Variants in PPHLN1 observed in about 807,000 individuals in gnomAD.
PPHLN1 encodes periphilin-1.
A neutral mutation model predicts 51.3 loss-of-function variants in PPHLN1; 29 were observed. The observed-to-expected ratio is 0.57, with a 90% confidence interval of 0.42 to 0.77. The LOEUF (loss-of-function observed/expected upper bound fraction) is 0.77. PPHLN1 is among the 30% of genes least tolerant of loss of function. The pLI, the probability that PPHLN1 is intolerant of heterozygous loss-of-function variation, is 0.00. For missense variants in PPHLN1, 436 were observed against 438.4 expected, an observed-to-expected ratio of 0.99 and a Z score of 0.05; for synonymous variants, 147 against 147.8, an observed-to-expected ratio of 0.99 and a Z score of 0.04.
At chr12:42,352,111 T>A (rs2073439424) in intron 3 of PPHLN1, 62 bp downstream of exon 3, 1 of 1,332,938 alleles carries the variant, frequency 7.5e-7, no homozygotes, top group Admixed American at 3.0e-5. Context: ...TAATGTAATT[T>A]AAAAATTTAT....
chr12:42,444,197 G>A (rs554428781), downstream of PPHLN1: 1 of 151,888 alleles, frequency 6.6e-6, no homozygotes, highest in Non-Finnish European at 1.5e-5. Context: ...TAACTTCCTG[G>A]TCAATAAGAC....
chr12:42,403,510 TATAAG>T (rs1404454010), intron 9 of PPHLN1, among the ~76,000 whole-genome samples: 1 of 152,236 alleles, frequency 6.6e-6, no homozygotes, highest in Non-Finnish European at 1.5e-5. Flanking sequence ...AAGCTATCTC[TATAAG>T]ATAATTTGTA....
At chr12:42,362,580 G>A (rs533800364) in intron 4 of PPHLN1, among the ~76,000 whole-genome samples, 2 of 152,232 alleles carry the variant, frequency 1.3e-5, no homozygotes, top group South Asian at 2.1e-4. Flanking sequence ...CAAGGAGCAC[G>A]GGCCTTCTAT....
intron 5 of PPHLN1, 151 bp from the exon 6 acceptor site, chr12:42,384,789 C>A (rs2077053260): frequency 1.1e-5 from 7 of 624,324 alleles, no homozygotes; most frequent in Non-Finnish European, 1.6e-5. Flanking sequence ...CTCAGGCAGC[C>A]CAACTTGAAA....
intron 1 of PPHLN1, among the ~76,000 whole-genome samples, chr12:42,328,164 G>A (rs1040281967): frequency 6.6e-6 from 1 of 152,144 alleles, no homozygotes; most frequent in African/African-American, 2.4e-5. Flanking sequence ...TTGATGGACC[G>A]TTGGATGTTG....
chr12:42,413,342 A>G (rs1178910502), intron 9 of PPHLN1, among the ~76,000 whole-genome samples: 1 of 152,150 alleles, frequency 6.6e-6, no homozygotes, highest in East Asian at 1.9e-4. Flanking sequence ...GTGGCTATCC[A>G]GTTTTTCCAG....
intron 7 of PPHLN1, among the ~76,000 whole-genome samples, chr12:42,390,129 A>G (rs1282480666): frequency 6.6e-6 from 1 of 152,016 alleles, no homozygotes; most frequent in African/African-American, 2.4e-5. Flanking sequence ...TTGGCTTTTT[A>G]GGAAGAGTAG....
At chr12:42,445,814 G>C, downstream of PPHLN1, 1 of 793,756 alleles carries the variant, frequency 1.3e-6, no homozygotes, top group Non-Finnish European at 1.9e-6. Flanking sequence ...CTGAAATTTA[G>C]ATGATAAATT....
intron 5 of PPHLN1, among the ~76,000 whole-genome samples, chr12:42,383,285 A>G (rs775907043): frequency 1.3e-4 from 20 of 152,080 alleles, no homozygotes; most frequent in Non-Finnish European, 2.1e-4. Context: ...TAGTTCAGCT[A>G]CCAACATGGA....
intron 1 of PPHLN1, among the ~76,000 whole-genome samples, chr12:42,327,682 G>A (rs1305150150): frequency 6.6e-6 from 1 of 152,076 alleles, no homozygotes; most frequent in African/African-American, 2.4e-5. Flanking sequence ...TTGCTTCTTT[G>A]CCATCCCTAC....
downstream of PPHLN1, chr12:42,444,126 G>A (rs1379268685): frequency 1.3e-5 from 2 of 151,964 alleles, no homozygotes; most frequent in Non-Finnish European, 2.9e-5. Flanking sequence ...ACAGTTAAGA[G>A]GTTTAATCAT....
chr12:42,444,367 C>G (rs2083179209), downstream of PPHLN1: 1 of 149,892 alleles, frequency 6.7e-6, no homozygotes, highest in African/African-American at 2.5e-5. Flanking sequence ...CTAGACTCTC[C>G]TAGGTATTTA....
At chr12:42,344,017 T>C (rs1310180015) in intron 2 of PPHLN1, 1 of 311,090 alleles carries the variant, frequency 3.2e-6, no homozygotes, top group African/African-American at 2.3e-5. Flanking sequence ...GCCTGTGTAA[T>C]AGAATATTTT....
intron 5 of PPHLN1, among the ~76,000 whole-genome samples, chr12:42,378,735 C>T (rs1393188509): frequency 6.6e-6 from 1 of 152,112 alleles, no homozygotes; most frequent in Non-Finnish European, 1.5e-5. Flanking sequence ...CACATACATA[C>T]ACACACATTT....
At chr12:42,347,346 T>G (rs1426125282) in intron 2 of PPHLN1, 1 of 152,254 alleles carries the variant, frequency 6.6e-6, no homozygotes, top group Non-Finnish European at 1.5e-5. Context: ...TAAGTCTGTG[T>G]ACCTATGTTA....
intron 4 of PPHLN1, among the ~76,000 whole-genome samples, chr12:42,374,257 G>A (rs1382151444): frequency 6.6e-6 from 1 of 152,128 alleles, no homozygotes; most frequent in East Asian, 1.9e-4. Flanking sequence ...CTATATGACA[G>A]TATGTTTTTT....
downstream of PPHLN1, chr12:42,446,758 G>T (rs1288832394): frequency 5.5e-6 from 6 of 1,100,670 alleles, no homozygotes; most frequent in Non-Finnish European, 7.5e-6. Flanking sequence ...CAATTGGAAG[G>T]TCGGGAGGTT....
Position 42,441,413 on chromosome 12 carries a change from G to C in PPHLN1, c.1008G>C (p.Gln336His). ...LEKSIQFALR[Q>H]NLHEIGERCV... The stretch of plus-strand genomic sequence containing the variant: ...AGTCTATACAGTTTGCATTGAGGCA[G>C]AATTTACATGAAATAGGTGAGCGGT... Residue 336 changes from glutamine (Q) to histidine (H), a missense_variant, in exon 10 of 10, where the codon CAG becomes CAC. Coordinates refer to ENST00000358314, the MANE Select transcript of PPHLN1 (RefSeq NM_201439.2). The C allele has an allele frequency of 6.2e-7, 1 of 1,613,874 alleles. No individual in the cohort carries two copies. The highest frequency in any genetic ancestry group is 8.5e-7 in the Non-Finnish European group (1 of 1,180,002).
At chr12:42,356,047 C>T (rs4768401) in intron 4 of PPHLN1, among the ~76,000 whole-genome samples, 42,383 of 152,052 alleles carry the variant, frequency 0.28, 7,317 homozygotes, top group Non-Finnish European at 0.38. Flanking sequence ...GGGAAAGAAA[C>T]GATGGACACA....
Sources: allele counts gnomAD v4.1 joint callset (sites outside exome capture counted in the v4.1 genomes callset), GRCh38; gene constraint gnomAD v4.1.1; transcripts MANE v1.5; gene names NCBI Gene and HGNC (gene_info 2026-07-23, HGNC 2026-07-21).